TGFA: variants seen among roughly 807,000 people sequenced by gnomAD.
TGFA encodes protransforming growth factor alpha.
TGFA carries 12 observed loss-of-function variants against 21.7 expected under a neutral mutation model. The observed-to-expected ratio is 0.55, with a 90% CI of 0.35 to 0.90. The LOEUF (loss-of-function observed/expected upper bound fraction) is 0.90, where lower values mean the gene tolerates loss of function less well. TGFA is among the 40% of genes least tolerant of loss of function. The pLI is 0.01. For missense variants in TGFA, 178 were observed against 210.8 expected, an observed-to-expected ratio of 0.84 and a Z score of 0.96; for synonymous variants, 79 against 88.1, an observed-to-expected ratio of 0.90 and a Z score of 0.58.
intron 2 of TGFA, among the ~76,000 whole-genome samples, chr2:70,510,130 C>T (rs1044970764): frequency 6.6e-6 from 1 of 152,172 alleles, no homozygotes; most frequent in African/African-American, 2.4e-5. Context: ...CAAGTTTGCC[C>T]GTATCATTGT....
At chr2:70,518,258 A>G (rs1553501855) in intron 1 of TGFA, among the ~76,000 whole-genome samples, 1 of 152,224 alleles carries the variant, frequency 6.6e-6, no homozygotes, top group Non-Finnish European at 1.5e-5. Flanking sequence ...AAATAGCTCC[A>G]AAGAGGGAAA....
At chr2:70,512,496 T>C (rs1297717052) in intron 2 of TGFA, among the ~76,000 whole-genome samples, 3 of 152,192 alleles carry the variant, frequency 2.0e-5, no homozygotes, top group Admixed American at 6.5e-5. Flanking sequence ...CAGGGTAATA[T>C]GCAACGCAGC....
chr2:70,491,439 G>T (rs1553497613), intron 2 of TGFA, among the ~76,000 whole-genome samples: 1 of 152,144 alleles, frequency 6.6e-6, no homozygotes, highest in Admixed American at 6.5e-5. Context: ...ACCACACCAG[G>T]CAAGGAAAGC....
chr2:70,501,241 T>G (rs1464737081), intron 2 of TGFA, among the ~76,000 whole-genome samples: 1 of 150,748 alleles, frequency 6.6e-6, no homozygotes, highest in Non-Finnish European at 1.5e-5. Context: ...ATTTTTAAAG[T>G]GCTCTTTGCT....
At chr2:70,534,548 G>A (rs993509066) in intron 1 of TGFA, among the ~76,000 whole-genome samples, 1 of 152,084 alleles carries the variant, frequency 6.6e-6, no homozygotes, top group South Asian at 2.1e-4. Context: ...AAAAATTTAT[G>A]GTAGAAAAGC....
intron 1 of TGFA, among the ~76,000 whole-genome samples, chr2:70,536,414 T>A: frequency 6.6e-6 from 1 of 152,242 alleles, no homozygotes; most frequent in Non-Finnish European, 1.5e-5. Context: ...CTTAAGCTCC[T>A]GTGGAACATT....
At chr2:70,528,456 G>T (rs1465577590) in intron 1 of TGFA, among the ~76,000 whole-genome samples, 1 of 149,296 alleles carries the variant, frequency 6.7e-6, no homozygotes, top group Non-Finnish European at 1.5e-5. Flanking sequence ...AATGATCCCT[G>T]TGGAAAGAGG....
intron 1 of TGFA, among the ~76,000 whole-genome samples, chr2:70,540,349 G>C (rs1230891407): frequency 6.6e-6 from 1 of 152,158 alleles, no homozygotes; most frequent in Non-Finnish European, 1.5e-5. Context: ...TTAGATCAAT[G>C]GAACAGAACA....
chr2:70,506,283 G>C (rs1671924322), intron 2 of TGFA, among the ~76,000 whole-genome samples: 1 of 152,214 alleles, frequency 6.6e-6, no homozygotes, highest in African/African-American at 2.4e-5. Context: ...GCACTGTCCG[G>C]CCGAGGTAAA....
Position 70,549,655 on chromosome 2 carries a change from G to A in TGFA, c.40+4073C>T, listed in dbSNP as rs114507575. Among the ~76,000 whole-genome samples, 489 of 152,206 alleles carry A rather than the reference G, an allele frequency of 3.2e-3. 1 individual carries two copies. Among genetic ancestry groups the A allele is most frequent in the African/African-American group, 0.011 (436 of 41,520 alleles). On this transcript the variant is annotated intron_variant, in intron 1 of 5. Transcript: ENST00000295400. ...TCCATTAACCAAACCTCCTCTTCCC[G>A]TTGCCCATCCCTTTTAGAGGGCAGT... is the stretch of plus-strand genomic sequence containing the variant.
chr2:70,453,404 G>T, intron 4 of TGFA, 77 bp from the exon 5 acceptor site: 2 of 1,318,008 alleles, frequency 1.5e-6, no homozygotes, highest in Non-Finnish European at 1.1e-6. Context: ...TGCCCTAGGG[G>T]CCTGCTGGGC....
At chr2:70,539,515 C>T (rs1553504940) in intron 1 of TGFA, among the ~76,000 whole-genome samples, 1 of 152,196 alleles carries the variant, frequency 6.6e-6, no homozygotes, top group African/African-American at 2.4e-5. Flanking sequence ...AGTGAAGTGG[C>T]ACAATCTCAG....
At chr2:70,498,709 T>C (rs1671646986) in intron 2 of TGFA, among the ~76,000 whole-genome samples, 2 of 152,088 alleles carry the variant, frequency 1.3e-5, no homozygotes, top group African/African-American at 4.8e-5. Flanking sequence ...CTTGCACAGA[T>C]CTAGTTTGCA....
At chr2:70,499,406 C>T (rs1433868999) in intron 2 of TGFA, among the ~76,000 whole-genome samples, 3 of 152,192 alleles carry the variant, frequency 2.0e-5, no homozygotes, top group Non-Finnish European at 2.9e-5. Context: ...TCCCAGGGCC[C>T]GCAGTGGACA....
rs569652140 is a variant in TGFA, at chr2:70,540,026, C to T, written c.40+13702G>A. On this transcript the variant is annotated intron_variant, in intron 1 of 5. Coordinates refer to ENST00000295400, the MANE Select transcript of TGFA (RefSeq NM_003236.4). ...GACCCGGCCCAATTCTTATAAAACA[C>T]TAAGTTCCAGAAACAATAGGAGAGA... is the stretch of plus-strand genomic sequence containing the variant. Among the ~76,000 whole-genome samples the T allele has an allele frequency of 2.0e-5, 3 of 152,292 alleles. No homozygotes were observed. In the East Asian group the frequency reaches 5.8e-4, roughly 29 times the overall value.
intron 5 of TGFA, 47 bp downstream of exon 5, chr2:70,453,171 G>A (rs782701320): frequency 9.7e-5 from 150 of 1,546,544 alleles, no homozygotes; most frequent in African/African-American, 1.5e-4. Flanking sequence ...GAAGGTGGTC[G>A]TTTTCTCCAC....
intron 2 of TGFA, among the ~76,000 whole-genome samples, chr2:70,491,313 G>C (rs1382587857): frequency 6.6e-6 from 1 of 152,204 alleles, no homozygotes; most frequent in Non-Finnish European, 1.5e-5. Flanking sequence ...GCAACAATAA[G>C]GTGTGGGGAG....
intron 2 of TGFA, among the ~76,000 whole-genome samples, chr2:70,476,028 G>A (rs1670912125): frequency 8.1e-6 from 1 of 123,404 alleles, no homozygotes; most frequent in African/African-American, 3.1e-5. Context: ...CATTTCTCCA[G>A]CTCCCAGGTT....
intron 3 of TGFA, among the ~76,000 whole-genome samples, chr2:70,461,976 T>C (rs1181919922): frequency 1.3e-5 from 2 of 152,218 alleles, no homozygotes; most frequent in Non-Finnish European, 2.9e-5. Context: ...TCTGGAAACC[T>C]AAAGACTGTT....
Sources: gnomAD v4.1 joint callset for allele counts (sites outside exome capture counted in the v4.1 genomes callset) on GRCh38, gnomAD v4.1.1 for gene constraint, MANE v1.5 for transcripts, NCBI Gene and HGNC (gene_info 2026-07-23, HGNC 2026-07-21) for gene names.